The following ASCC3 variants were observed in gnomAD, a reference collection of about 807,000 sequenced individuals.
The protein encoded by ASCC3 is ASC-1 complex subunit P200.
Under a neutral mutation model 256.3 loss-of-function variants are expected in ASCC3, and 158 were observed. The ratio of observed to expected loss-of-function variants is 0.62; its 90% confidence interval spans 0.54 to 0.70. The LOEUF (loss-of-function observed/expected upper bound fraction) is 0.70, where lower values mean the gene tolerates loss of function less well. ASCC3 is among the 30% of genes least tolerant of loss of function. The pLI is 0.00. For synonymous variants in ASCC3, 948 were observed against 883.4 expected, an observed-to-expected ratio of 1.07 and a Z score of -1.30; for missense variants, 2,259 against 2,626.0, an observed-to-expected ratio of 0.86 and a Z score of 3.05.
chr6:100,844,091 T>C (rs972800853), intron 4 of ASCC3, among the ~76,000 whole-genome samples: 2 of 150,518 alleles, frequency 1.3e-5, no homozygotes, highest in Non-Finnish European at 3.0e-5. Context: ...AAATTTGGCC[T>C]GGCTTTATAA....
chr6:100,603,187 T>C (rs978817754), intron 33 of ASCC3, among the ~76,000 whole-genome samples: 1 of 151,964 alleles, frequency 6.6e-6, no homozygotes, highest in Non-Finnish European at 1.5e-5. Flanking sequence ...AAATAAATTA[T>C]GAAATACTAT....
At chr6:100,794,339 A>T (rs1374745442) in intron 8 of ASCC3, among the ~76,000 whole-genome samples, 1 of 152,060 alleles carries the variant, frequency 6.6e-6, no homozygotes, top group African/African-American at 2.4e-5. Flanking sequence ...TATGGCCTAC[A>T]TGCTAATAAG....
At chr6:100,762,046 C>T (rs745918574) in intron 10 of ASCC3, among the ~76,000 whole-genome samples, 2 of 152,076 alleles carry the variant, frequency 1.3e-5, no homozygotes, top group Non-Finnish European at 2.9e-5. Flanking sequence ...ATACACAACA[C>T]CCACACCCTG....
At chr6:100,636,339 T>C (rs911299221) in intron 25 of ASCC3, among the ~76,000 whole-genome samples, 2 of 152,154 alleles carry the variant, frequency 1.3e-5, no homozygotes, top group African/African-American at 4.8e-5. Flanking sequence ...ATTGTAATTG[T>C]TTTGTAGTGT....
At chr6:100,608,225 TTA>T (rs1161942832) in intron 30 of ASCC3, among the ~76,000 whole-genome samples, 368 of 24,100 alleles carry the variant, frequency 0.015, 60 homozygotes, top group Non-Finnish European at 0.017. Flanking sequence ...TATATATACT[TTA>T]TATACTTTAT....
chr6:100,712,751 C>CTTTTTTTTTTTTTTTTTTTTTTTTTTTT (rs58286754), intron 13 of ASCC3, among the ~76,000 whole-genome samples: 1 of 69,738 alleles, frequency 1.4e-5, no homozygotes, highest in Non-Finnish European at 2.6e-5. Context: ...CAATTATACT[C>CTTTTTTTTTTTTTTTTTTTTTTTTTTTT]TTTTTTTTTT....
chr6:100,727,907 T>C (rs1582768720), intron 10 of ASCC3, among the ~76,000 whole-genome samples: 1 of 152,224 alleles, frequency 6.6e-6, no homozygotes, highest in Non-Finnish European at 1.5e-5. Flanking sequence ...CTTAAGAGTG[T>C]GGCTTACACA....
intron 13 of ASCC3, among the ~76,000 whole-genome samples, chr6:100,713,201 C>A (rs1408457625): frequency 6.6e-6 from 1 of 152,020 alleles, no homozygotes; most frequent in Non-Finnish European, 1.5e-5. Flanking sequence ...AATAGATAAA[C>A]AAATTAGCAC....
intron 13 of ASCC3, among the ~76,000 whole-genome samples, chr6:100,701,577 A>C (rs1403756144): frequency 1.3e-5 from 2 of 152,222 alleles, no homozygotes; most frequent in African/African-American, 2.4e-5. Context: ...CCCATGCATT[A>C]AGCAACGCAT....
chr6:100,768,114 G>A (rs1246813648), intron 8 of ASCC3, among the ~76,000 whole-genome samples: 1 of 152,052 alleles, frequency 6.6e-6, no homozygotes, highest in Admixed American at 6.6e-5. Context: ...TATTTCATAT[G>A]TTTATAAAAA....
intron 4 of ASCC3, among the ~76,000 whole-genome samples, chr6:100,815,430 A>G (rs1770695103): frequency 6.6e-6 from 1 of 152,106 alleles, no homozygotes; most frequent in Non-Finnish European, 1.5e-5. Flanking sequence ...TAAAATTCAC[A>G]TAGAACCAAA....
At chr6:100,775,775 C>T (rs998808079) in intron 8 of ASCC3, among the ~76,000 whole-genome samples, 18 of 151,420 alleles carry the variant, frequency 1.2e-4, no homozygotes, top group East Asian at 1.2e-3. Flanking sequence ...GGAAAATGAA[C>T]GAAATAATTT....
At chr6:100,533,026 T>C (rs1774991614) in intron 37 of ASCC3, among the ~76,000 whole-genome samples, 1 of 152,122 alleles carries the variant, frequency 6.6e-6, no homozygotes, top group African/African-American at 2.4e-5. Context: ...AGATTTTGAG[T>C]TATAGTTATT....
chr6:100,805,963 G>C (rs1046645726), intron 4 of ASCC3, 83 bp from the exon 5 acceptor site: 2 of 1,360,778 alleles, frequency 1.5e-6, no homozygotes, highest in African/African-American at 2.9e-5. Context: ...ATTCAACAGA[G>C]GTGTAAAGCC....
At chr6:100,787,502 T>C (rs1461971898) in intron 8 of ASCC3, among the ~76,000 whole-genome samples, 1 of 152,058 alleles carries the variant, frequency 6.6e-6, no homozygotes, top group Non-Finnish European at 1.5e-5. Context: ...AGTTAAAATC[T>C]CAGCAGAAAA....
At chr6:100,815,541 C>T (rs779712457) in intron 4 of ASCC3, among the ~76,000 whole-genome samples, 3 of 151,954 alleles carry the variant, frequency 2.0e-5, no homozygotes, top group Non-Finnish European at 4.4e-5. Flanking sequence ...ATAACCAAAA[C>T]AGCATGGTAT....
chr6:100,859,686 C>A (rs1773130313), intron 3 of ASCC3, among the ~76,000 whole-genome samples: 1 of 151,950 alleles, frequency 6.6e-6, no homozygotes, highest in Non-Finnish European at 1.5e-5. Context: ...ACTTTGTAAG[C>A]CACTCCTGTC....
chr6:100,638,329 C>T (rs239250), intron 25 of ASCC3, among the ~76,000 whole-genome samples: 93 of 152,228 alleles, frequency 6.1e-4, no homozygotes, highest in African/African-American at 2.1e-3. Context: ...CACTAATAGG[C>T]TATGGTATAG....
intron 37 of ASCC3, chr6:100,531,101 C>G: frequency 8.7e-7 from 1 of 1,147,526 alleles, no homozygotes; most frequent in Non-Finnish European, 1.3e-6. Flanking sequence ...ATAAATACAA[C>G]AGAAAATTGC....
Sources: gnomAD v4.1 joint callset for allele counts (sites outside exome capture counted in the v4.1 genomes callset) on GRCh38, gnomAD v4.1.1 for gene constraint, MANE v1.5 for transcripts, NCBI Gene and HGNC (gene_info 2026-07-23, HGNC 2026-07-21) for gene names.